TMEM248: variants seen among roughly 807,000 people sequenced by gnomAD.
TMEM248 encodes the protein UPF0458 protein C7orf42.
In TMEM248, 9 loss-of-function variants were observed where a neutral mutation model predicts 30.3. That is an observed-to-expected ratio of 0.30 (90% CI 0.18 to 0.52). The LOEUF is 0.52. TMEM248 is among the 20% of genes least tolerant of loss of function. The pLI, the probability that TMEM248 is intolerant of heterozygous loss-of-function variation, is 0.97. For missense variants in TMEM248, 338 were observed against 403.3 expected (o/e 0.84, Z 1.39); for synonymous variants, 184 against 154.4 (o/e 1.19, Z -1.42).
chr7:66,953,546 G>A (rs1018243830), intron 6 of TMEM248, among the ~76,000 whole-genome samples, 177 bp downstream of exon 6: 6 of 152,192 alleles, frequency 3.9e-5, no homozygotes, highest in African/African-American at 1.4e-4. Flanking sequence ...CGAAATTCAT[G>A]AATGTCCAAA....
In TMEM248 at chr7:66,953,385, G is replaced by A. The variant is rs374777244; in HGVS notation, c.924+16G>A. 1 of 1,612,116 alleles carries A rather than the reference G, an allele frequency of 6.2e-7. No individual in the cohort carries two copies. Among genetic ancestry groups the A allele is most frequent in the Non-Finnish European group, 8.5e-7 (1 of 1,178,750 alleles). ...TCCCGAGAAGGTGAGCGGTGGATGG[G>A]GTCCGGGCCAGCATTTTACTAGAGG... On this transcript the variant is annotated intron_variant, in intron 6 of 6. Coordinates refer to ENST00000341567, the MANE Select transcript of TMEM248 (RefSeq NM_017994.5).
intron 1 of TMEM248, among the ~76,000 whole-genome samples, chr7:66,933,111 C>T (rs896134846): frequency 2.6e-5 from 4 of 152,108 alleles, no homozygotes; most frequent in East Asian, 1.9e-4. Context: ...CCGCCTGCTT[C>T]GACCTCCCAA....
Position 66,945,266 on chromosome 7 carries a change from G to A in TMEM248, c.445+5G>A. On this transcript the variant is annotated splice_donor_5th_base_variant and intron_variant, in intron 3 of 6. Transcript: ENST00000341567. ...GGCATCAGATTGGACTTTCAGGTAT[G>A]CAGTAGCCACTCTCCACTCAGGCTC... is the stretch of plus-strand genomic sequence containing the variant. The A allele has an allele frequency of 6.2e-7, 1 of 1,610,320 alleles. No homozygotes were observed. Among genetic ancestry groups the A allele is most frequent in the Non-Finnish European group, 8.5e-7 (1 of 1,176,720 alleles).
rs1792409466 is a variant in TMEM248 at position 66,956,565 on chromosome 7, T to C, written c.*1043T>C. On this transcript the variant is annotated 3_prime_UTR_variant, in exon 7 of 7. Coordinates refer to ENST00000341567, the MANE Select transcript of TMEM248 (RefSeq NM_017994.5). ...CTACTAACATATCTTCAGAAGGAAA[T>C]GGCAACTAGTAGATCAGTAAAATTA... 6.6e-6 allele frequency: 1 copy of C among 152,218 alleles called. No individual in the cohort carries two copies. Among genetic ancestry groups the C allele is most frequent in the South Asian group, 2.1e-4 (1 of 4,834 alleles). The allele number at this position is 152,218 out of a possible 1,614,324, so 9.4% of individuals were successfully genotyped here.
At chr7:66,944,218 C>T (rs1308741298) in intron 2 of TMEM248, among the ~76,000 whole-genome samples, 2 of 151,524 alleles carry the variant, frequency 1.3e-5, no homozygotes, top group African/African-American at 4.9e-5. Flanking sequence ...GATTCTCCTG[C>T]CTCAGCCTCC....
intron 3 of TMEM248, among the ~76,000 whole-genome samples, chr7:66,946,462 C>G (rs1362740034): frequency 6.6e-6 from 1 of 151,980 alleles, no homozygotes; most frequent in Non-Finnish European, 1.5e-5. Context: ...CGCCCGTGAT[C>G]CCAGCCACTC....
At chr7:66,938,267 T>C (rs1257475859) in intron 1 of TMEM248, among the ~76,000 whole-genome samples, 6 of 152,196 alleles carry the variant, frequency 3.9e-5, no homozygotes, top group African/African-American at 1.4e-4. Flanking sequence ...GTCTTCATTT[T>C]AGTGAAGGTG....
At chr7:66,951,172 A>G (rs1243229464) in intron 5 of TMEM248, 37 bp downstream of exon 5, 4 of 1,531,620 alleles carry the variant, frequency 2.6e-6, no homozygotes, top group Admixed American at 2.0e-5. Flanking sequence ...GTGTGCGTGC[A>G]TGCATATGCA....
rs769622879 is a variant in TMEM248, at chr7:66,951,151, TGTG to T, written c.780+17_780+19del. On this transcript the variant is annotated intron_variant, in intron 5 of 6. Coordinates refer to ENST00000341567, the MANE Select transcript of TMEM248 (RefSeq NM_017994.5). ...TGTTCCAGATGTAAGTGAGAAAAAT[TGTG>T]TGTGTGTGTGTGCGTGCATGCATAT... The T allele has an allele frequency of 3.7e-5, 47 of 1,286,586 alleles. No individual in the cohort carries two copies. The highest frequency in any genetic ancestry group is 3.1e-4 in the South Asian group (17 of 54,142). The allele number at this position is 1,286,586 out of a possible 1,614,324, so 79.7% of individuals were successfully genotyped here.
At chr7:66,931,747 G>A (rs1317769884) in intron 1 of TMEM248, among the ~76,000 whole-genome samples, 3 of 150,156 alleles carry the variant, frequency 2.0e-5, no homozygotes, top group Non-Finnish European at 4.4e-5. Flanking sequence ...CAAAGTGCTG[G>A]GATTACAGGT....
chr7:66,942,775 T>C (rs999593407), intron 2 of TMEM248, among the ~76,000 whole-genome samples: 1 of 151,676 alleles, frequency 6.6e-6, no homozygotes, highest in Middle Eastern at 3.2e-3. Context: ...GGATTACCGG[T>C]GTGAGCCACC....
rs1459672019 is a variant in TMEM248 at position 66,921,272 on chromosome 7, G to T, written c.-208G>T. 3.3e-5 allele frequency: 5 copies of T among 151,094 alleles called. No individual in the cohort carries two copies. Among genetic ancestry groups the T allele is most frequent in the Admixed American group, 2.0e-4 (3 of 15,216 alleles). 9.4% of individuals were successfully genotyped at this position (151,094 alleles called of 1,614,324 possible). A position where few individuals can be genotyped will look rare whatever the true frequency, so the allele number is the denominator to read the frequency against. ...AGCCCGAACTGAGGCGGCGGCGGGA[G>T]CCCGGTTGGCGTCTGGTCTTCGCGT... On this transcript the variant is annotated 5_prime_UTR_variant, in exon 1 of 7. Coordinates refer to ENST00000341567, the MANE Select transcript of TMEM248 (RefSeq NM_017994.5).
chr7:66,943,790 G>C (rs1410133227), intron 2 of TMEM248, among the ~76,000 whole-genome samples: 2 of 149,302 alleles, frequency 1.3e-5, no homozygotes, highest in Non-Finnish European at 3.0e-5. Context: ...GGGTTGCTCA[G>C]ATGACTTTTT....
intron 3 of TMEM248, among the ~76,000 whole-genome samples, chr7:66,946,827 A>G (rs1056013340): frequency 2.6e-5 from 4 of 152,234 alleles, no homozygotes; most frequent in Non-Finnish European, 5.9e-5. Context: ...GCTAGAAGGC[A>G]GTGGAAGCTG....
chr7:66,947,404 T>C (rs372444517), intron 3 of TMEM248, among the ~76,000 whole-genome samples: 2 of 151,994 alleles, frequency 1.3e-5, no homozygotes, highest in African/African-American at 4.8e-5. Context: ...ACCTTCGGGA[T>C]TTTTTGTTGT....
chr7:66,933,604 G>A (rs537376240), intron 1 of TMEM248, among the ~76,000 whole-genome samples: 2 of 152,242 alleles, frequency 1.3e-5, no homozygotes, highest in African/African-American at 2.4e-5. Context: ...CTGTTTCCAC[G>A]CCCCTTTTTA....
At chr7:66,924,831 T>A (rs1371425168) in intron 1 of TMEM248, among the ~76,000 whole-genome samples, 1 of 152,066 alleles carries the variant, frequency 6.6e-6, no homozygotes, top group Non-Finnish European at 1.5e-5. Context: ...TGGCTCAGCC[T>A]CCCGTGTAGC....
intron 5 of TMEM248, among the ~76,000 whole-genome samples, chr7:66,951,999 A>G (rs926517601): frequency 1.3e-5 from 2 of 151,958 alleles, no homozygotes; most frequent in Non-Finnish European, 2.9e-5. Flanking sequence ...TATTTTATAA[A>G]TATGTTCCTT....
At chr7:66,951,511 G>C (rs1009965185) in intron 5 of TMEM248, among the ~76,000 whole-genome samples, 1 of 152,028 alleles carries the variant, frequency 6.6e-6, no homozygotes, top group Non-Finnish European at 1.5e-5. Flanking sequence ...AAATAGTGCT[G>C]CTTAGAGTTC....
Sources: allele counts gnomAD v4.1 joint callset (sites outside exome capture counted in the v4.1 genomes callset), GRCh38; gene constraint gnomAD v4.1.1; transcripts MANE v1.5; gene names NCBI Gene and HGNC (gene_info 2026-07-23, HGNC 2026-07-21).